Variants in KIF27 observed in about 807,000 individuals in gnomAD.
KIF27 encodes the protein kinesin-like protein KIF27.
In KIF27, 84 loss-of-function variants were observed where a neutral mutation model predicts 141.8. That is an observed-to-expected ratio of 0.59 (90% CI 0.50 to 0.71). KIF27 has a LOEUF of 0.71. KIF27 is among the 30% of genes least tolerant of loss of function. KIF27 has a pLI of 0.00. For missense variants in KIF27, 1,306 were observed against 1,628.4 expected (o/e 0.80, Z 3.41); for synonymous variants, 471 against 569.5 (o/e 0.83, Z 2.46).
At chr9:83,916,977 T>G (rs1010486455) in intron 1 of KIF27, among the ~76,000 whole-genome samples, 2 of 152,020 alleles carry the variant, frequency 1.3e-5, no homozygotes, top group African/African-American at 4.8e-5. Flanking sequence ...ACTCTTTTTT[T>G]TTTAAATATA....
At chr9:83,840,766 AAC>A (rs1179253464) in intron 17 of KIF27, among the ~76,000 whole-genome samples, 3 of 152,224 alleles carry the variant, frequency 2.0e-5, no homozygotes, top group African/African-American at 7.2e-5. Flanking sequence ...TACATCAGTA[AAC>A]ACCTCTGTAT....
intron 2 of KIF27, among the ~76,000 whole-genome samples, chr9:83,910,546 G>A (rs1159655852): frequency 1.3e-5 from 2 of 152,202 alleles, no homozygotes; most frequent in African/African-American, 2.4e-5. Context: ...GAGCTTGAGA[G>A]TAGAAAGGGA....
intron 16 of KIF27, among the ~76,000 whole-genome samples, chr9:83,848,489 TG>T (rs1948115230): frequency 6.9e-6 from 1 of 144,106 alleles, no homozygotes; most frequent in Non-Finnish European, 1.5e-5. Flanking sequence ...CATATAGATA[TG>T]TATATATCTA....
chr9:83,864,989 G>A (rs895685401), intron 13 of KIF27, among the ~76,000 whole-genome samples: 1 of 152,088 alleles, frequency 6.6e-6, no homozygotes, highest in African/African-American at 2.4e-5. Flanking sequence ...CAGAGACTAG[G>A]ACTGCAACCC....
chr9:83,901,018 G>A (rs1210463855), intron 4 of KIF27, among the ~76,000 whole-genome samples: 1 of 152,116 alleles, frequency 6.6e-6, no homozygotes. Flanking sequence ...GAGTGCAGTG[G>A]TGCAATCATA....
intron 11 of KIF27, among the ~76,000 whole-genome samples, chr9:83,871,638 A>G (rs1381445671): frequency 6.6e-6 from 1 of 152,098 alleles, no homozygotes; most frequent in African/African-American, 2.4e-5. Context: ...TAGACTTGGA[A>G]GACAGATCAT....
chr9:83,869,936 T>C (rs1950634523), intron 12 of KIF27, among the ~76,000 whole-genome samples: 1 of 152,312 alleles, frequency 6.6e-6, no homozygotes, highest in African/African-American at 2.4e-5. Context: ...TTTCACTACT[T>C]GGGCAACAGG....
intron 16 of KIF27, chr9:83,848,749 G>A (rs1948173978): frequency 6.6e-6 from 1 of 151,528 alleles, no homozygotes; most frequent in Admixed American, 6.6e-5. Context: ...ATAGGCATGA[G>A]CCACTGCACC....
intron 2 of KIF27, 36 bp downstream of exon 2, chr9:83,915,258 G>A (rs557005646): frequency 1.6e-5 from 24 of 1,538,510 alleles, no homozygotes; most frequent in South Asian, 9.0e-5. Context: ...TCTTTCTAGC[G>A]TCACAAATAA....
chr9:83,881,698 C>T (rs1257669658), intron 10 of KIF27, among the ~76,000 whole-genome samples: 1 of 152,226 alleles, frequency 6.6e-6, no homozygotes, highest in Non-Finnish European at 1.5e-5. Context: ...CAGGCCTTTG[C>T]CATTTCCAGT....
chr9:83,904,574 T>C (rs1191913730), intron 3 of KIF27, among the ~76,000 whole-genome samples: 1 of 152,202 alleles, frequency 6.6e-6, no homozygotes, highest in Non-Finnish European at 1.5e-5. Flanking sequence ...TTTCACCACG[T>C]TGGCCAGGCT....
At chr9:83,879,482 TA>T (rs1951500822) in intron 11 of KIF27, among the ~76,000 whole-genome samples, 1 of 151,486 alleles carries the variant, frequency 6.6e-6, no homozygotes, top group Admixed American at 6.6e-5. Context: ...AAAACGGCTC[TA>T]AAAAAATAAA....
chr9:83,885,460 A>C lies in KIF27; in HGVS notation c.2240-1442T>G, dbSNP rs150297274. On this transcript the variant is annotated intron_variant, in intron 9 of 17. Coordinates refer to ENST00000297814, the MANE Select transcript of KIF27 (RefSeq NM_017576.4). ...TACTCATCATTTTTTTATAAAAGTTATTTAACTAAATGCAGTGTGAACTGT... is the reference window on the plus strand; with the variant it reads ...TACTCATCATTTTTTTATAAAAGTTCTTTAACTAAATGCAGTGTGAACTGT... Among the ~76,000 whole-genome samples, 946 of 152,280 alleles carry C rather than the reference A, an allele frequency of 6.2e-3. 8 individuals are homozygous for C. Among genetic ancestry groups the C allele is most frequent in the African/African-American group, 0.021 (856 of 41,572 alleles).
chr9:83,865,655 A>G (rs531349818), intron 13 of KIF27, among the ~76,000 whole-genome samples: 1 of 152,112 alleles, frequency 6.6e-6, no homozygotes, highest in African/African-American at 2.4e-5. Flanking sequence ...ACTTGTAGTT[A>G]TTTATAGATA....
rs774223046 is a variant in KIF27 at position 83,891,355 on chromosome 9, T to C, written c.1749A>G (p.Val583=). The C allele has an allele frequency of 3.1e-6, 5 of 1,613,724 alleles. No individual in the cohort carries two copies. The highest frequency in any genetic ancestry group is 1.7e-4 in the Middle Eastern group (1 of 6,054). Residue 583 remains valine (V), a synonymous_variant, in exon 6 of 18, where the codon GTA becomes GTG. Transcript: ENST00000297814. ...AATGCCCCAAATGAGTATCAAATGGTACAGTATATGGTCTCCTTTCAGGGA... is the reference window on the plus strand; with the variant it reads ...AATGCCCCAAATGAGTATCAAATGGCACAGTATATGGTCTCCTTTCAGGGA... ...ARIPERRPYT[V]PFDTHLGHYI...
intron 13 of KIF27, among the ~76,000 whole-genome samples, chr9:83,860,930 A>G (rs1367740398): frequency 6.7e-6 from 1 of 148,914 alleles, no homozygotes; most frequent in Non-Finnish European, 1.5e-5. Flanking sequence ...TTCACATTTG[A>G]TTGTTTGGCT....
intron 3 of KIF27, among the ~76,000 whole-genome samples, chr9:83,906,870 A>G (rs1304860101): frequency 7.2e-5 from 11 of 152,252 alleles, no homozygotes; most frequent in African/African-American, 2.6e-4. Flanking sequence ...AAGACAAATT[A>G]CCATATAAAC....
chr9:83,879,035 G>A (rs1332855521), intron 11 of KIF27, among the ~76,000 whole-genome samples: 17 of 150,720 alleles, frequency 1.1e-4, no homozygotes, highest in African/African-American at 2.4e-4. Flanking sequence ...AAAATTAGCC[G>A]GGCGTGGTGG....
intron 10 of KIF27, 152 bp downstream of exon 10, chr9:83,883,661 T>C: frequency 1.8e-6 from 1 of 570,592 alleles, no homozygotes; most frequent in Non-Finnish European, 3.1e-6. Context: ...TTGTAAAATA[T>C]GTAAATCGAC....
Sources: allele counts gnomAD v4.1 joint callset (sites outside exome capture counted in the v4.1 genomes callset), GRCh38; gene constraint gnomAD v4.1.1; transcripts MANE v1.5; gene names NCBI Gene and HGNC (gene_info 2026-07-23, HGNC 2026-07-21).